ARSG: variants seen among roughly 807,000 people sequenced by gnomAD.
ARSG encodes the protein ASG.
In ARSG, 37 loss-of-function variants were observed where a neutral mutation model predicts 50.5. That is an observed-to-expected ratio of 0.73 (90% CI 0.56 to 0.96). The LOEUF (loss-of-function observed/expected upper bound fraction) is 0.96, where lower values mean the gene tolerates loss of function less well. Among genes scored for constraint, ARSG ranks in the 50% least tolerant of loss-of-function variants. The pLI is 0.00. For missense variants in ARSG, 629 were observed against 675.3 expected (o/e 0.93, Z 0.76); for synonymous variants, 225 against 254.6 (o/e 0.88, Z 1.11).
At chr17:68,374,440 C>T (rs1000126721) in intron 8 of ARSG, among the ~76,000 whole-genome samples, 3 of 152,132 alleles carry the variant, frequency 2.0e-5, no homozygotes, top group Non-Finnish European at 2.9e-5. Flanking sequence ...CTACTGATCT[C>T]CTATCTGAGG....
rs1481045184 is a variant in ARSG at position 68,420,394 on chromosome 17, C to T, written c.1509C>T (p.Tyr503=). 1.9e-6 allele frequency: 3 copies of T among 1,614,210 alleles called. No individual in the cohort carries two copies. The highest frequency in any genetic ancestry group is 1.7e-5 in the Admixed American group (1 of 60,030). Residue 503 remains tyrosine, a synonymous_variant, in exon 12 of 12, where the codon TAC becomes TAT. Coordinates refer to ENST00000621439, the MANE Select transcript of ARSG (RefSeq NM_001267727.2). ...IANDNISSAD[Y]TQDPSVTPCC... ...ACGACAACATCTCCAGCGCAGATTACACTCAGGACCCTTCAGTAACTCCCT... is the reference window on the plus strand; with the variant it reads ...ACGACAACATCTCCAGCGCAGATTATACTCAGGACCCTTCAGTAACTCCCT...
Position 68,368,681 on chromosome 17 carries a change from G to A in ARSG, c.838G>A (p.Val280Met), listed in dbSNP as rs757412388. Residue 280 changes from valine to methionine, a missense_variant, in exon 7 of 12, where the codon GTG (valine) becomes ATG (methionine). Coordinates refer to ENST00000621439, the MANE Select transcript of ARSG (RefSeq NM_001267727.2). Reference protein sequence around the residue: ...GAGLWEMDSLVGQIKDKVDHT... With the variant: ...GAGLWEMDSLMGQIKDKVDHT... ...AGGGCTCTGGGAGATGGACAGTCTG[G>A]TGGGCCAGATCAAGGACAAAGTTGA... is the stretch of plus-strand genomic sequence containing the variant. The A allele has an allele frequency of 1.2e-6, 2 of 1,614,028 alleles. No individual in the cohort carries two copies. Among genetic ancestry groups the A allele is most frequent in the Admixed American group, 1.7e-5 (1 of 59,956 alleles).
At chr17:68,264,687 T>C (rs1253872397) in intron 1 of ARSG, among the ~76,000 whole-genome samples, 1 of 151,970 alleles carries the variant, frequency 6.6e-6, no homozygotes, top group Non-Finnish European at 1.5e-5. Context: ...TCCACCCGCC[T>C]TGGCCTCCCA....
At chr17:68,315,725 C>G (rs1209442869) in intron 2 of ARSG, among the ~76,000 whole-genome samples, 5 of 152,102 alleles carry the variant, frequency 3.3e-5, no homozygotes, top group African/African-American at 1.2e-4. Flanking sequence ...CTCTGCCTCC[C>G]AGGTTCAAGT....
chr17:68,331,490 C>T (rs371372843), intron 2 of ARSG, among the ~76,000 whole-genome samples: 2 of 152,038 alleles, frequency 1.3e-5, no homozygotes, highest in African/African-American at 2.4e-5. Context: ...ATGATCTGCC[C>T]GCCTTGGCCT....
chr17:68,429,317 G>A, the ARSG span, among the ~76,000 whole-genome samples: 10 of 152,160 alleles, frequency 6.6e-5, no homozygotes, highest in Admixed American at 5.9e-4. Context: ...TTGCTGGTTA[G>A]TTTTGTGAAA....
chr17:68,280,065 C>G (rs1476029298), intron 1 of ARSG, among the ~76,000 whole-genome samples: 1 of 151,506 alleles, frequency 6.6e-6, no homozygotes, highest in East Asian at 1.9e-4. Context: ...ACCTGTAATC[C>G]CAGCTACTCA....
chr17:68,434,137 TG>T, the ARSG span, among the ~76,000 whole-genome samples: 2 of 152,180 alleles, frequency 1.3e-5, no homozygotes, highest in African/African-American at 4.8e-5. Context: ...GGAGGAACTG[TG>T]CCTTCCTGGC....
chr17:68,313,032 C>A (rs8070436), intron 2 of ARSG, among the ~76,000 whole-genome samples: 25 of 152,044 alleles, frequency 1.6e-4, no homozygotes, highest in Non-Finnish European at 3.4e-4. Context: ...GAGGCCGAGG[C>A]GGGCAGATCA....
chr17:68,393,225 T>C (rs184792518), intron 9 of ARSG, among the ~76,000 whole-genome samples: 2 of 152,350 alleles, frequency 1.3e-5, no homozygotes, highest in Non-Finnish European at 2.9e-5. Context: ...CCATGGTCTA[T>C]AAATATTAAA....
intron 1 of ARSG, among the ~76,000 whole-genome samples, chr17:68,298,234 C>T (rs1330322674): frequency 6.6e-6 from 1 of 152,100 alleles, no homozygotes; most frequent in Non-Finnish European, 1.5e-5. Context: ...TCTGCCCCTA[C>T]CTGAGCCTTG....
At chr17:68,421,803 T>C, downstream of ARSG, 1 of 1,614,214 alleles carries the variant, frequency 6.2e-7, no homozygotes. Context: ...CCTTCTGATT[T>C]CCACGGCACA....
intron 4 of ARSG, among the ~76,000 whole-genome samples, chr17:68,349,865 G>T (rs1370259343): frequency 2.0e-5 from 3 of 152,154 alleles, no homozygotes; most frequent in Non-Finnish European, 4.4e-5. Context: ...CTGGGAGACA[G>T]ACTGAGACTC....
chr17:68,264,432 A>G (rs1162095768), intron 1 of ARSG, among the ~76,000 whole-genome samples: 1 of 152,132 alleles, frequency 6.6e-6, no homozygotes, highest in Non-Finnish European at 1.5e-5. Flanking sequence ...TTAAAAGAGT[A>G]CATGGTCTCA....
At chr17:68,370,914 A>C (rs1285626006) in intron 8 of ARSG, among the ~76,000 whole-genome samples, 8 of 152,090 alleles carry the variant, frequency 5.3e-5, no homozygotes, top group Non-Finnish European at 1.0e-4. Flanking sequence ...AATTTATTTC[A>C]TCCATTCAAA....
At chr17:68,368,998 T>C (rs2079690317) in intron 7 of ARSG, among the ~76,000 whole-genome samples, 1 of 152,256 alleles carries the variant, frequency 6.6e-6, no homozygotes. Context: ...CGATTCAGGC[T>C]ATCTGGGTAT....
the ARSG span, chr17:68,434,595 T>C: frequency 6.2e-7 from 1 of 1,613,932 alleles, no homozygotes; most frequent in Non-Finnish European, 8.5e-7. Context: ...CTTTTGCCCA[T>C]CAGGGACAGA....
In ARSG at chr17:68,420,403, C is replaced by A. The variant is rs1427260856; in HGVS notation, c.1518C>A (p.Asp506Glu). The change falls in exon 12 of 12, where the codon GAC (aspartate) becomes GAA (glutamate). Residue 506 changes from aspartate to glutamate, a missense_variant. Asp to Glu is a conservative substitution (Grantham distance 45). Coordinates refer to ENST00000621439, the MANE Select transcript of ARSG (RefSeq NM_001267727.2). ...TCTCCAGCGCAGATTACACTCAGGA[C>A]CCTTCAGTAACTCCCTGCTGTAATC... ...DNISSADYTQ[D>E]PSVTPCCNPY... is the part of the protein sequence containing the mutation. 1 of 1,614,188 alleles carries A rather than the reference C, an allele frequency of 6.2e-7. No individual in the cohort carries two copies. Among genetic ancestry groups the A allele is most frequent in the Admixed American group, 1.7e-5 (1 of 60,028 alleles).
chr17:68,404,262 G>A (rs566177898), intron 11 of ARSG, among the ~76,000 whole-genome samples: 2 of 152,092 alleles, frequency 1.3e-5, no homozygotes, highest in African/African-American at 2.4e-5. Context: ...TTTCTAGTTC[G>A]AGATCCTTGA....
Sources: gnomAD v4.1 joint callset for allele counts (sites outside exome capture counted in the v4.1 genomes callset) on GRCh38, gnomAD v4.1.1 for gene constraint, MANE v1.5 for transcripts, NCBI Gene and HGNC (gene_info 2026-07-23, HGNC 2026-07-21) for gene names.